LRBA: variants seen among roughly 807,000 people sequenced by gnomAD.
The protein encoded by LRBA is lipopolysaccharide-responsive and beige-like anchor protein.
In LRBA, 176 loss-of-function variants were observed where a neutral mutation model predicts 330.0. That is an observed-to-expected ratio of 0.53 (90% confidence interval 0.47 to 0.60). The LOEUF (loss-of-function observed/expected upper bound fraction) is 0.60, where lower values mean the gene tolerates loss of function less well. Among genes scored for constraint, LRBA ranks in the 20% least tolerant of loss-of-function variants. The pLI, the probability that LRBA is intolerant of heterozygous loss-of-function variation, is 0.00. For missense variants in LRBA, 3,259 were observed against 3,444.8 expected (o/e 0.95, Z 1.35); for synonymous variants, 1,230 against 1,193.0 (o/e 1.03, Z -0.64).
intron 36 of LRBA, among the ~76,000 whole-genome samples, chr4:150,727,129 G>A (rs1456529026): frequency 8.7e-5 from 11 of 125,886 alleles, no homozygotes; most frequent in African/African-American, 3.2e-4. Context: ...CTGGAGTGCA[G>A]TGGCATGATT....
At chr4:150,845,358 A>ATGGAGTTTT (rs1749700253) in intron 26 of LRBA, among the ~76,000 whole-genome samples, 1 of 152,194 alleles carries the variant, frequency 6.6e-6, no homozygotes, top group African/African-American at 2.4e-5. Flanking sequence ...GCTTTCATTA[A>ATGGAGTTTT]AACTGCTTAG....
At chr4:150,450,954 C>A (rs1430963550) in intron 44 of LRBA, among the ~76,000 whole-genome samples, 2 of 152,120 alleles carry the variant, frequency 1.3e-5, no homozygotes, top group African/African-American at 4.8e-5. Context: ...TGCTTGAACC[C>A]AGGAGGCAGA....
intron 50 of LRBA, among the ~76,000 whole-genome samples, chr4:150,320,482 T>A (rs1386277215): frequency 6.6e-6 from 1 of 151,964 alleles, no homozygotes; most frequent in Non-Finnish European, 1.5e-5. Flanking sequence ...CACAAAAAGG[T>A]ACAGTTTCTG....
intron 48 of LRBA, among the ~76,000 whole-genome samples, chr4:150,342,115 A>G (rs1022092002): frequency 2.6e-5 from 4 of 152,044 alleles, no homozygotes; most frequent in Non-Finnish European, 5.9e-5. Context: ...CCTGAGTTCA[A>G]ATATTCTAAT....
At chr4:150,879,673 G>A (rs931679968) in intron 17 of LRBA, among the ~76,000 whole-genome samples, 7 of 152,048 alleles carry the variant, frequency 4.6e-5, no homozygotes, top group Non-Finnish European at 7.4e-5. Context: ...GTACAGTTTC[G>A]GGATATAAAA....
chr4:150,806,505 T>A (rs1419633160), intron 32 of LRBA, 101 bp from the exon 33 acceptor site: 1 of 627,298 alleles, frequency 1.6e-6, no homozygotes, highest in Non-Finnish European at 2.3e-6. Flanking sequence ...TATAATTATT[T>A]AAAAAAATTA....
chr4:150,734,832 G>A (rs1730980820), intron 36 of LRBA, among the ~76,000 whole-genome samples: 1 of 152,130 alleles, frequency 6.6e-6, no homozygotes, highest in East Asian at 1.9e-4. Context: ...CCTAAAGACA[G>A]AGAAATTTCA....
rs1756815761 is a variant in LRBA, at chr4:150,477,254, G to A, written c.6552-5515C>T. On this transcript the variant is annotated intron_variant, in intron 42 of 56. Transcript: ENST00000651943. ...TCCCTTGGTGATATGGTTTGGATTTGTGTCCCCACCCAAATATCATGTCAA... is the reference window on the plus strand; with the variant it reads ...TCCCTTGGTGATATGGTTTGGATTTATGTCCCCACCCAAATATCATGTCAA... 3.3e-5 allele frequency among the ~76,000 whole-genome samples: 5 copies of A among 152,178 alleles called. No individual in the cohort carries two copies. The South Asian group carries it at 1.0e-3, about 32-fold the overall frequency.
intron 37 of LRBA, among the ~76,000 whole-genome samples, chr4:150,676,675 C>T (rs1313078854): frequency 6.6e-6 from 1 of 151,938 alleles, no homozygotes; most frequent in Non-Finnish European, 1.5e-5. Flanking sequence ...TCACTCTAGA[C>T]CCATATAAAA....
intron 47 of LRBA, among the ~76,000 whole-genome samples, chr4:150,371,555 G>A (rs796151246): frequency 3.4e-4 from 52 of 152,178 alleles, no homozygotes; most frequent in African/African-American, 1.3e-3. Flanking sequence ...GCTGTGTCCT[G>A]TGGGATAAAG....
chr4:150,571,662 T>TTTG (rs1554057214), intron 40 of LRBA, among the ~76,000 whole-genome samples: 2 of 146,816 alleles, frequency 1.4e-5, no homozygotes, highest in East Asian at 4.0e-4. Flanking sequence ...TTTTTTTTTT[T>TTTG]TTTTTTTTTT....
At chr4:150,727,960 A>C (rs1333651549) in intron 36 of LRBA, among the ~76,000 whole-genome samples, 7 of 152,174 alleles carry the variant, frequency 4.6e-5, no homozygotes, top group Non-Finnish European at 7.4e-5. Context: ...CAAAATTGGC[A>C]ACCTTTTAGT....
At chr4:150,753,511 C>T (rs1197468632) in intron 35 of LRBA, among the ~76,000 whole-genome samples, 1 of 152,074 alleles carries the variant, frequency 6.6e-6, no homozygotes, top group African/African-American at 2.4e-5. Context: ...TACATAGATG[C>T]TGTTGTAGTT....
At chr4:150,501,757 G>A (rs574702471) in intron 40 of LRBA, among the ~76,000 whole-genome samples, 1 of 152,286 alleles carries the variant, frequency 6.6e-6, no homozygotes, top group African/African-American at 2.4e-5. Flanking sequence ...CACTTTTGAT[G>A]AAGATGGAGT....
chr4:150,949,011 A>G (rs1239777731), intron 2 of LRBA, among the ~76,000 whole-genome samples: 2 of 151,844 alleles, frequency 1.3e-5, no homozygotes, highest in African/African-American at 2.4e-5. Context: ...CACAGCCACT[A>G]TGAAAAAGTT....
intron 48 of LRBA, among the ~76,000 whole-genome samples, chr4:150,347,069 C>T (rs1221658852): frequency 2.0e-5 from 3 of 152,156 alleles, no homozygotes; most frequent in Non-Finnish European, 2.9e-5. Flanking sequence ...CATTCTATAG[C>T]ATGGACAAAT....
At chr4:150,723,422 C>G (rs1338163672) in intron 36 of LRBA, among the ~76,000 whole-genome samples, 1 of 152,176 alleles carries the variant, frequency 6.6e-6, no homozygotes, top group African/African-American at 2.4e-5. Context: ...CAGGCCTTAG[C>G]TCTCAGATGA....
At chr4:150,951,306 T>A (rs1736807756) in intron 2 of LRBA, among the ~76,000 whole-genome samples, 1 of 152,178 alleles carries the variant, frequency 6.6e-6, no homozygotes, top group Non-Finnish European at 1.5e-5. Context: ...AACACAGCAA[T>A]TTTTTAAATC....
intron 37 of LRBA, among the ~76,000 whole-genome samples, chr4:150,682,343 G>A (rs1783126165): frequency 6.6e-6 from 1 of 152,234 alleles, no homozygotes; most frequent in South Asian, 2.1e-4. Flanking sequence ...CCCATGAATA[G>A]ATGTTATTTC....
Sources: gnomAD v4.1 joint callset for allele counts (sites outside exome capture counted in the v4.1 genomes callset) on GRCh38, gnomAD v4.1.1 for gene constraint, MANE v1.5 for transcripts, NCBI Gene and HGNC (gene_info 2026-07-23, HGNC 2026-07-21) for gene names.